LAMB1: variants seen among roughly 807,000 people sequenced by gnomAD.
LAMB1 encodes laminin subunit beta-1.
A neutral mutation model predicts 222.3 loss-of-function variants in LAMB1; 121 were observed. The ratio of observed to expected loss-of-function variants is 0.54; its 90% CI spans 0.47 to 0.63. The LOEUF (loss-of-function observed/expected upper bound fraction) is 0.63, where lower values mean the gene tolerates loss of function less well. LAMB1 is among the 30% of genes least tolerant of loss of function. The pLI, the probability that LAMB1 is intolerant of heterozygous loss-of-function variation, is 0.00. For missense variants in LAMB1, 2,172 were observed against 2,240.8 expected (o/e 0.97, Z 0.62); for synonymous variants, 794 against 807.2 (o/e 0.98, Z 0.28).
chr7:107,986,244 G>A lies in LAMB1; in HGVS notation c.543C>T (p.Pro181=), dbSNP rs1357253561. ...AAATTATGTCATCGACTTTTTTCAT[G>A]GGGCCAGTTGAAATGCCTGGAAACG... ...EASFPGISTG[P]MKKVDDIICD... is the part of the protein sequence containing the mutation. The change falls in exon 6 of 34, where the codon CCC becomes CCT. Residue 181 remains proline, a synonymous_variant. Coordinates refer to ENST00000222399, the MANE Select transcript of LAMB1 (RefSeq NM_002291.3). 1.2e-6 allele frequency: 2 copies of A among 1,614,068 alleles called. No individual in the cohort carries two copies. The highest frequency in any genetic ancestry group is 1.7e-6 in the Non-Finnish European group (2 of 1,179,982).
At chr7:107,984,715 C>T (rs1362079060) in intron 7 of LAMB1, among the ~76,000 whole-genome samples, 1 of 152,146 alleles carries the variant, frequency 6.6e-6, no homozygotes, top group Non-Finnish European at 1.5e-5. Context: ...ATAAATGACA[C>T]TCAGTTAAAT....
chr7:107,939,053 T>G (rs2032916079), intron 25 of LAMB1, among the ~76,000 whole-genome samples: 1 of 152,188 alleles, frequency 6.6e-6, no homozygotes, highest in Non-Finnish European at 1.5e-5. Context: ...AACACCTCAG[T>G]GTGCAGGATT....
At position 108,001,610 on chromosome 7, in the gene LAMB1, G is replaced by C; in HGVS notation, c.161C>G (p.Ser54Trp). 6.2e-7 allele frequency: 1 copy of C among 1,613,036 alleles called. No individual in the cohort carries two copies. Among genetic ancestry groups the C allele is most frequent in the Middle Eastern group, 1.7e-4 (1 of 6,056 alleles). ...TTCGGGCTTGTGCAGCCCGCACGTC[G>C]AGGTCACCGAAAGCTTCTGTGCTCG... ...IGRAQKLSVT[S>W]TCGLHKPEPY... is the part of the protein sequence containing the mutation. The change falls in exon 3 of 34, where the codon TCG becomes TGG. Residue 54 changes from serine to tryptophan, a missense_variant. Physicochemically the swap from Ser to Trp is radical, Grantham distance 177. Coordinates refer to ENST00000222399, the MANE Select transcript of LAMB1 (RefSeq NM_002291.3).
chr7:107,973,316 T>C (rs1021865599), intron 12 of LAMB1, among the ~76,000 whole-genome samples: 1 of 152,184 alleles, frequency 6.6e-6, no homozygotes, highest in East Asian at 1.9e-4. Flanking sequence ...CTCTGCCCTA[T>C]AGATAACCTC....
intron 7 of LAMB1, among the ~76,000 whole-genome samples, chr7:107,985,340 T>C (rs1384383211): frequency 6.6e-6 from 1 of 152,200 alleles, no homozygotes; most frequent in Non-Finnish European, 1.5e-5. Flanking sequence ...AACTTTTATT[T>C]GGGCCAGGCG....
At chr7:107,951,491 T>G (rs1472994308) in intron 23 of LAMB1, among the ~76,000 whole-genome samples, 169 bp from the exon 24 acceptor site, 2 of 152,236 alleles carry the variant, frequency 1.3e-5, no homozygotes, top group Non-Finnish European at 2.9e-5. Flanking sequence ...GAGAGCCCCA[T>G]GCCAGCATCT....
chr7:107,939,623 T>C (rs1048020949), intron 25 of LAMB1, among the ~76,000 whole-genome samples: 4 of 152,194 alleles, frequency 2.6e-5, no homozygotes, highest in East Asian at 1.9e-4. Flanking sequence ...GGCTCAGGAA[T>C]TGAGTCATCC....
At position 107,961,289 on chromosome 7, in the gene LAMB1, T is replaced by C. The variant is rs2033493542; in HGVS notation, c.2026A>G (p.Thr676Ala). 22 of 1,614,096 alleles carry C rather than the reference T, an allele frequency of 1.4e-5. No individual in the cohort carries two copies. The highest frequency in any genetic ancestry group is 3.3e-5 in the South Asian group (3 of 91,072). The part of the protein sequence containing the change: ...LPRPVCFEKG[T>A]NYTVRLELPQ... Reference sequence around the variant, plus strand: ...AGCTCCAACCTCACCGTGTAGTTTGTTCCCTTCTCAAAGCACACCGGCCGA... The same window carrying C: ...AGCTCCAACCTCACCGTGTAGTTTGCTCCCTTCTCAAAGCACACCGGCCGA... The change falls in exon 17 of 34, where the codon ACA (threonine) becomes GCA (alanine). Residue 676 changes from threonine to alanine, a missense_variant. Coordinates refer to ENST00000222399, the MANE Select transcript of LAMB1 (RefSeq NM_002291.3).
intron 24 of LAMB1, chr7:107,942,233 G>A (rs113668538): frequency 0.042 from 6,327 of 151,904 alleles, 434 homozygotes; most frequent in African/African-American, 0.14. Flanking sequence ...CTTGTGATCC[G>A]CCCACCTTGG....
chr7:107,954,540 C>T lies in LAMB1; in HGVS notation c.2855-786G>A, dbSNP rs534530019. Among the ~76,000 whole-genome samples, 18 of 152,058 alleles carry T rather than the reference C, an allele frequency of 1.2e-4. No homozygotes were observed. In the South Asian group the frequency reaches 3.3e-3, roughly 28 times the overall value. On this transcript the variant is annotated intron_variant, in intron 21 of 33. Coordinates refer to ENST00000222399, the MANE Select transcript of LAMB1 (RefSeq NM_002291.3). ...CTGTAATCCCAGCACTTTGGGAGGC[C>T]GAGGTGGGTGGATCACGAAGTCAGG...
At chr7:107,969,765 G>A (rs2033710581) in intron 13 of LAMB1, among the ~76,000 whole-genome samples, 1 of 152,140 alleles carries the variant, frequency 6.6e-6, no homozygotes, top group Non-Finnish European at 1.5e-5. Flanking sequence ...AATACCATAG[G>A]CAATTGTAAC....
chr7:107,937,275 T>C lies in LAMB1; in HGVS notation c.3764A>G (p.Lys1255Arg), dbSNP rs758357232. The change falls in exon 26 of 34, where the codon AAA becomes AGA. Residue 1255 changes from lysine to arginine, a missense_variant and splice_region_variant. Coordinates refer to ENST00000222399, the MANE Select transcript of LAMB1 (RefSeq NM_002291.3). ...NIGNLFEEAE[K>R]LIKDVTEMMA... The stretch of plus-strand genomic sequence containing the variant: ...CATTTCTGTAACATCTTTAATCAGT[T>C]TCCTGTAAAGAGAAAGTTAAGCTTA... 1.2e-6 allele frequency: 2 copies of C among 1,611,946 alleles called. No homozygotes were observed. Among genetic ancestry groups the C allele is most frequent in the Non-Finnish European group, 1.7e-6 (2 of 1,178,904 alleles).
chr7:107,929,213 A>G lies in LAMB1; in HGVS notation c.4746-8T>C. The G allele has an allele frequency of 1.2e-6, 2 of 1,613,836 alleles. No homozygotes were observed. The highest frequency in any genetic ancestry group is 1.7e-6 in the Non-Finnish European group (2 of 1,179,844). On this transcript the variant is annotated splice_polypyrimidine_tract_variant and splice_region_variant and intron_variant, in intron 30 of 33. Coordinates refer to ENST00000222399, the MANE Select transcript of LAMB1 (RefSeq NM_002291.3). ...ACATCTGTTGCACTTTTGCTGAGTA[A>G]AAAATAATGAGACAGTATATTGTTG...
intron 19 of LAMB1, 54 bp from the exon 20 acceptor site, chr7:107,959,534 A>G: frequency 1.2e-6 from 2 of 1,608,664 alleles, no homozygotes; most frequent in Non-Finnish European, 8.5e-7. Flanking sequence ...CAATGGAAAC[A>G]TGCTCCTTTT....
At chr7:107,926,616 G>GT (rs746776703) in intron 31 of LAMB1, among the ~76,000 whole-genome samples, 3 of 151,892 alleles carry the variant, frequency 2.0e-5, no homozygotes, top group Middle Eastern at 6.8e-3. Context: ...TTTTCTGACA[G>GT]TAAAAAAAAA....
chr7:107,965,486 C>G (rs2701031), intron 13 of LAMB1, among the ~76,000 whole-genome samples: 71,379 of 151,958 alleles, frequency 0.47, 20,751 homozygotes, highest in African/African-American at 0.83. Flanking sequence ...GGCTGAGGCA[C>G]GAGAATCGCT....
chr7:107,995,502 G>A (rs1039971088), intron 4 of LAMB1, among the ~76,000 whole-genome samples: 4 of 152,216 alleles, frequency 2.6e-5, no homozygotes, highest in African/African-American at 9.6e-5. Flanking sequence ...TATCCCTGAT[G>A]GGGAAACCTT....
chr7:107,928,517 G>A (rs1295631545), intron 31 of LAMB1, among the ~76,000 whole-genome samples: 3 of 148,520 alleles, frequency 2.0e-5, no homozygotes, highest in Non-Finnish European at 4.5e-5. Context: ...TTTTTTTTGA[G>A]ATGGAGTCTC....
intron 24 of LAMB1, among the ~76,000 whole-genome samples, chr7:107,944,734 G>C (rs958151503): frequency 6.6e-6 from 1 of 152,140 alleles, no homozygotes; most frequent in African/African-American, 2.4e-5. Flanking sequence ...TATTTTCAGT[G>C]AAACTCCCAC....
Sources: gnomAD v4.1 joint callset for allele counts (sites outside exome capture counted in the v4.1 genomes callset) on GRCh38, gnomAD v4.1.1 for gene constraint, MANE v1.5 for transcripts, NCBI Gene and HGNC (gene_info 2026-07-23, HGNC 2026-07-21) for gene names.